Variants in DLG2 observed in about 807,000 individuals in gnomAD.
DLG2 encodes the protein discs large MAGUK scaffold protein 2.
DLG2 carries 45 observed loss-of-function variants against 132.5 expected under a neutral mutation model. The ratio of observed to expected loss-of-function variants is 0.34; its 90% CI spans 0.27 to 0.44. The LOEUF is 0.44. Among genes scored for constraint, DLG2 ranks in the 20% least tolerant of loss-of-function variants. DLG2 has a pLI of 1.00. For synonymous variants in DLG2, 424 were observed against 419.6 expected (o/e 1.01, Z -0.13); for missense variants, 1,045 against 1,196.9 (o/e 0.87, Z 1.87).
At chr11:85,046,569 C>A (rs909264450) in intron 6 of DLG2, among the ~76,000 whole-genome samples, 1 of 151,554 alleles carries the variant, frequency 6.6e-6, no homozygotes, top group African/African-American at 2.4e-5. Flanking sequence ...ACTTTGACTC[C>A]AAACATCAGT....
At chr11:84,922,988 GA>G in intron 6 of DLG2, 1 of 1,538,500 alleles carries the variant, frequency 6.5e-7, no homozygotes. Flanking sequence ...CCAGCAATCC[GA>G]AAAGTCCTGA....
chr11:85,439,768 A>G (rs1597362761), intron 3 of DLG2, among the ~76,000 whole-genome samples: 1 of 152,206 alleles, frequency 6.6e-6, no homozygotes, highest in East Asian at 1.9e-4. Flanking sequence ...AACAGAGTAT[A>G]GAGTAATGGC....
intron 18 of DLG2, among the ~76,000 whole-genome samples, chr11:83,773,482 C>CT (rs1364283579): frequency 1.3e-5 from 2 of 152,174 alleles, no homozygotes; most frequent in Non-Finnish European, 2.9e-5. Flanking sequence ...TTTGCTTAAT[C>CT]TTTTGCTTTC....
intron 11 of DLG2, among the ~76,000 whole-genome samples, chr11:84,051,915 A>G (rs939996623): frequency 1.3e-5 from 2 of 151,868 alleles, no homozygotes; most frequent in African/African-American, 4.8e-5. Context: ...GAGAACCAAA[A>G]GGAAAAAAAG....
chr11:85,397,344 T>A (rs928571280), intron 3 of DLG2, among the ~76,000 whole-genome samples: 1 of 152,092 alleles, frequency 6.6e-6, no homozygotes, highest in African/African-American at 2.4e-5. Context: ...GTAAAGAGCA[T>A]CAATGATATG....
intron 3 of DLG2, among the ~76,000 whole-genome samples, chr11:85,540,090 T>A (rs1320424934): frequency 6.6e-6 from 1 of 152,116 alleles, no homozygotes; most frequent in Non-Finnish European, 1.5e-5. Context: ...ATCATACTGA[T>A]AAAGGGGCAA....
chr11:85,188,853 C>T (rs141351247), intron 4 of DLG2, among the ~76,000 whole-genome samples: 2,317 of 152,122 alleles, frequency 0.015, 29 homozygotes, highest in Non-Finnish European at 0.023. Context: ...GCCTTGGAGA[C>T]CTCTAGGACA....
intron 19 of DLG2, among the ~76,000 whole-genome samples, chr11:83,610,637 G>T (rs2059981117): frequency 6.6e-6 from 1 of 152,038 alleles, no homozygotes; most frequent in Admixed American, 6.5e-5. Flanking sequence ...GCAATTTAAT[G>T]CATCATCTCA....
intron 6 of DLG2, among the ~76,000 whole-genome samples, chr11:84,546,231 C>T (rs546904170): frequency 6.6e-6 from 1 of 152,256 alleles, no homozygotes; most frequent in African/African-American, 2.4e-5. Flanking sequence ...CTGGTGCTGT[C>T]TCATGACAGA....
At chr11:85,425,843 G>A (rs2628462) in intron 3 of DLG2, among the ~76,000 whole-genome samples, 18 of 152,152 alleles carry the variant, frequency 1.2e-4, no homozygotes, top group Non-Finnish European at 2.2e-4. Context: ...GCAAGGCATC[G>A]CCTCACCCAG....
chr11:84,946,622 C>T (rs2050234247), intron 6 of DLG2, among the ~76,000 whole-genome samples: 1 of 152,028 alleles, frequency 6.6e-6, no homozygotes, highest in Non-Finnish European at 1.5e-5. Context: ...CCCTTCTCCT[C>T]TCCTCAAGCA....
chr11:84,274,310 G>A (rs1021595671), intron 7 of DLG2, among the ~76,000 whole-genome samples: 5 of 152,104 alleles, frequency 3.3e-5, no homozygotes, highest in Non-Finnish European at 5.9e-5. Context: ...AAGTTCCAAA[G>A]GAATCCGTAC....
chr11:85,606,626 C>A (rs961866118), intron 2 of DLG2, among the ~76,000 whole-genome samples: 1 of 152,130 alleles, frequency 6.6e-6, no homozygotes, highest in Non-Finnish European at 1.5e-5. Context: ...CTGCTCAGGT[C>A]CCCTTCCACA....
chr11:85,283,002 T>C (rs980521323), intron 4 of DLG2, among the ~76,000 whole-genome samples: 6 of 152,034 alleles, frequency 3.9e-5, no homozygotes, highest in African/African-American at 1.2e-4. Flanking sequence ...AAACAAATAC[T>C]GCATGTTCTC....
intron 21 of DLG2, among the ~76,000 whole-genome samples, chr11:83,490,577 T>C (rs537794836): frequency 6.6e-6 from 1 of 152,076 alleles, no homozygotes; most frequent in East Asian, 1.9e-4. Context: ...TCCCAGATTA[T>C]TTAATTATTA....
At chr11:85,251,497 A>G (rs189962389) in intron 4 of DLG2, among the ~76,000 whole-genome samples, 1 of 152,290 alleles carries the variant, frequency 6.6e-6, no homozygotes, top group East Asian at 1.9e-4. Context: ...TACGTGAAAA[A>G]CTTGATACAG....
chr11:85,135,439 A>C (rs1426903902), intron 5 of DLG2, among the ~76,000 whole-genome samples: 1 of 152,232 alleles, frequency 6.6e-6, no homozygotes, highest in Non-Finnish European at 1.5e-5. Flanking sequence ...TTCACAAGGT[A>C]TCCTGGAAGA....
chr11:84,422,133 T>C (rs1165467271), intron 7 of DLG2, among the ~76,000 whole-genome samples: 1 of 152,210 alleles, frequency 6.6e-6, no homozygotes, highest in African/African-American at 2.4e-5. Context: ...TTATGTCTCT[T>C]TTATTTTTAG....
At chr11:85,434,922 A>G (rs1433172859) in intron 3 of DLG2, among the ~76,000 whole-genome samples, 2 of 152,224 alleles carry the variant, frequency 1.3e-5, no homozygotes, top group Non-Finnish European at 2.9e-5. Context: ...AAAATCCTCT[A>G]TAAAATACTG....
Sources: gnomAD v4.1 joint callset for allele counts (sites outside exome capture counted in the v4.1 genomes callset) on GRCh38, gnomAD v4.1.1 for gene constraint, MANE v1.5 for transcripts, NCBI Gene and HGNC (gene_info 2026-07-23, HGNC 2026-07-21) for gene names.